The following TMEM255A variants were observed in gnomAD, a reference collection of about 807,000 sequenced individuals.
TMEM255A encodes the protein transmembrane protein 255A.
In TMEM255A, 14 loss-of-function variants were observed where a neutral mutation model predicts 23.5. The observed-to-expected ratio is 0.60, with a 90% CI of 0.39 to 0.93. TMEM255A has a LOEUF of 0.93. Ranked by LOEUF, TMEM255A falls within the 40% of genes least tolerant of loss-of-function variation. TMEM255A has a pLI of 0.00. For synonymous variants in TMEM255A, 104 were observed against 100.3 expected (o/e 1.04, Z -0.22); for missense variants, 233 against 261.7 (o/e 0.89, Z 0.76).
At chrX:120,270,093 G>T (rs375882313) in intron 7 of TMEM255A, among the ~76,000 whole-genome samples, 1 of 111,405 alleles carries the variant, frequency 9.0e-6, no homozygotes, top group East Asian at 2.8e-4. Context: ...AAGACAGTCA[G>T]GGGTAGAGGA....
At chrX:120,264,184 A>AATT (rs1159411765) in intron 8 of TMEM255A, among the ~76,000 whole-genome samples, 1 of 111,464 alleles carries the variant, frequency 9.0e-6, no homozygotes, top group Non-Finnish European at 1.9e-5. Context: ...AGCTGGGTTT[A>AATT]ATTTCCCAGC....
chrX:120,255,179 A>G (rs2057629738), downstream of TMEM255A: 1 of 1,211,741 alleles, frequency 8.3e-7, no homozygotes, highest in African/African-American at 1.7e-5. Context: ...GTTTACATCC[A>G]TGCAGGTCTT....
intron 2 of TMEM255A, among the ~76,000 whole-genome samples, chrX:120,297,911 T>C (rs2058007928): frequency 9.0e-6 from 1 of 110,763 alleles, no homozygotes; most frequent in Non-Finnish European, 1.9e-5. Flanking sequence ...AAACCAACAG[T>C]TTCCTTAAAA....
chrX:120,289,951 T>C (rs1569337760), intron 4 of TMEM255A, among the ~76,000 whole-genome samples: 1 of 111,262 alleles, frequency 9.0e-6, no homozygotes, highest in Non-Finnish European at 1.9e-5. Flanking sequence ...ATTCTATTAA[T>C]ATGAAATGTC....
chrX:120,291,016 T>G (rs2057910837), intron 4 of TMEM255A, among the ~76,000 whole-genome samples: 1 of 111,590 alleles, frequency 9.0e-6, no homozygotes, highest in East Asian at 2.8e-4. Flanking sequence ...GAATCCAAGA[T>G]AAGCCACTAT....
intron 7 of TMEM255A, among the ~76,000 whole-genome samples, chrX:120,274,264 G>C (rs1461347767): frequency 8.9e-6 from 1 of 111,766 alleles, no homozygotes. Flanking sequence ...CTCAGGGAAG[G>C]GGCAACAAGG....
intron 6 of TMEM255A, among the ~76,000 whole-genome samples, chrX:120,284,435 A>C (rs1184324214): frequency 9.2e-6 from 1 of 108,627 alleles, no homozygotes; most frequent in Admixed American, 9.8e-5. Context: ...TTGCCCACCC[A>C]CCCCCAACTA....
At chrX:120,305,124 G>A (rs1036801395) in intron 1 of TMEM255A, among the ~76,000 whole-genome samples, 14 of 111,214 alleles carry the variant, frequency 1.3e-4, no homozygotes, top group East Asian at 5.6e-4. Flanking sequence ...GATATGTATC[G>A]GGGGAGTTAG....
At chrX:120,286,185 T>C (rs1347943206) in intron 5 of TMEM255A, among the ~76,000 whole-genome samples, 2 of 112,305 alleles carry the variant, frequency 1.8e-5, no homozygotes, top group Non-Finnish European at 3.8e-5. Flanking sequence ...ATGGTGCCTT[T>C]GGAGCAGGAC....
chrX:120,253,341 C>T, the TMEM255A span: 2 of 961,040 alleles, frequency 2.1e-6, no homozygotes, highest in Middle Eastern at 5.5e-4. Context: ...GATGCTACTG[C>T]TTAAATTCTA....
At chrX:120,275,601 A>G (rs1016128268) in intron 7 of TMEM255A, among the ~76,000 whole-genome samples, 2 of 110,130 alleles carry the variant, frequency 1.8e-5, no homozygotes, top group Non-Finnish European at 3.8e-5. Flanking sequence ...CCTCTTAGGC[A>G]CAAAATAATT....
intron 4 of TMEM255A, 122 bp downstream of exon 4, chrX:120,291,129 G>A (rs1556022826): frequency 3.5e-6 from 2 of 567,620 alleles, no homozygotes; most frequent in Admixed American, 3.1e-5. Context: ...AAAAGGGACT[G>A]TGTCTTCTCC....
At chrX:120,255,371 T>C, downstream of TMEM255A, 1 of 1,211,325 alleles carries the variant, frequency 8.3e-7, no homozygotes, top group African/African-American at 1.7e-5. Context: ...ATGATTCAAT[T>C]TTTAAACAAA....
At chrX:120,264,565 A>ATAAG (rs1349146483) in intron 8 of TMEM255A, among the ~76,000 whole-genome samples, 1 of 111,325 alleles carries the variant, frequency 9.0e-6, no homozygotes. Flanking sequence ...ACAAAACATT[A>ATAAG]TAAGTCTTTT....
At chrX:120,294,127 A>G in intron 2 of TMEM255A, 76 bp from the exon 3 acceptor site, 2 of 810,108 alleles carry the variant, frequency 2.5e-6, no homozygotes, top group South Asian at 4.5e-5. Flanking sequence ...GCCCCTTCAT[A>G]TGATTCAGGA....
intron 2 of TMEM255A, among the ~76,000 whole-genome samples, chrX:120,303,792 A>C (rs1328045244): frequency 9.0e-6 from 1 of 111,360 alleles, no homozygotes; most frequent in Non-Finnish European, 1.9e-5. Context: ...GTTATTGTAT[A>C]CTTATTTTTA....
intron 2 of TMEM255A, among the ~76,000 whole-genome samples, chrX:120,303,630 T>C (rs2058046624): frequency 9.2e-6 from 1 of 108,514 alleles, no homozygotes; most frequent in Non-Finnish European, 1.9e-5. Flanking sequence ...AGTCTAATCA[T>C]ATGGGATAAG....
the TMEM255A span, among the ~76,000 whole-genome samples, chrX:120,252,074 G>A: frequency 8.9e-6 from 1 of 112,068 alleles, no homozygotes; most frequent in Admixed American, 9.4e-5. Context: ...CTGTTAACAT[G>A]CAACACCTTC....
chrX:120,309,340 C>G (rs1556027755), intron 1 of TMEM255A, among the ~76,000 whole-genome samples: 1 of 113,198 alleles, frequency 8.8e-6, no homozygotes, highest in East Asian at 2.8e-4. Context: ...GCAGACCTTT[C>G]GAGAAACACA....
Sources: allele counts gnomAD v4.1 joint callset (sites outside exome capture counted in the v4.1 genomes callset), GRCh38; gene constraint gnomAD v4.1.1; transcripts MANE v1.5; gene names NCBI Gene and HGNC (gene_info 2026-07-23, HGNC 2026-07-21).